Variants in SMG9 observed in about 807,000 individuals in gnomAD.
SMG9 encodes nonsense-mediated mRNA decay factor SMG9.
SMG9 carries 55 observed loss-of-function variants against 64.0 expected under a neutral mutation model. That is an observed-to-expected ratio of 0.86 (90% confidence interval 0.69 to 1.08). The LOEUF (loss-of-function observed/expected upper bound fraction) is 1.08. SMG9 is among the 50% of genes least tolerant of loss of function. SMG9 has a pLI of 0.00. For missense variants in SMG9, 554 were observed against 681.3 expected (o/e 0.81, Z 2.08); for synonymous variants, 244 against 254.8 (o/e 0.96, Z 0.41).
chr19:43,732,381 A>C (rs1968512156), intron 13 of SMG9: 1 of 165,290 alleles, frequency 6.0e-6, no homozygotes, highest in Admixed American at 5.7e-5. Flanking sequence ...AGGGAGAGAA[A>C]GCCAGAGGCA....
At chr19:43,739,936 A>AC (rs895243318) in intron 7 of SMG9, 171 bp downstream of exon 7, 3 of 614,026 alleles carry the variant, frequency 4.9e-6, no homozygotes, top group African/African-American at 3.7e-5. Context: ...GGCAAAAGTG[A>AC]CAAGAGACTA....
intron 13 of SMG9, 64 bp downstream of exon 13, chr19:43,732,794 G>A (rs1008719568): frequency 1.5e-4 from 242 of 1,593,514 alleles, no homozygotes; most frequent in Middle Eastern, 5.0e-4. Flanking sequence ...TCTAAGGGAC[G>A]CCCCCTTCTC....
chr19:43,747,947 G>A (rs367609273), intron 3 of SMG9, 31 bp downstream of exon 3: 10 of 1,614,020 alleles, frequency 6.2e-6, no homozygotes, highest in Middle Eastern at 1.6e-4. Flanking sequence ...CTTCCCTAAC[G>A]GCTCCCCCTC....
In SMG9 at chr19:43,737,588, GCTC is replaced by G. The variant is rs1178005345; in HGVS notation, c.995+6_995+8del. The G allele has an allele frequency of 1.2e-6, 2 of 1,611,844 alleles. No homozygotes were observed. The highest frequency in any genetic ancestry group is 4.5e-5 in the East Asian group (2 of 44,832). On this transcript the variant is annotated splice_donor_region_variant and intron_variant, in intron 9 of 13. Transcript: ENST00000270066. ...CTCCTCCCCACCCTCCAACCCCTCAGCTCCTCACCTGTAGAGACTGAGGTCTGT... is the reference window on the plus strand; with the variant it reads ...CTCCTCCCCACCCTCCAACCCCTCAGCTCACCTGTAGAGACTGAGGTCTGT...
intron 13 of SMG9, 22 bp downstream of exon 13, chr19:43,732,836 C>A: frequency 1.9e-6 from 3 of 1,613,462 alleles, no homozygotes; most frequent in Non-Finnish European, 2.5e-6. Flanking sequence ...TCAAATTGAC[C>A]CCCTCTGCAA....
chr19:43,746,013 A>C (rs1419690607), intron 5 of SMG9, among the ~76,000 whole-genome samples: 2 of 150,942 alleles, frequency 1.3e-5, no homozygotes, highest in Non-Finnish European at 3.0e-5. Context: ...AAAAAACAAA[A>C]AAAAAAACAA....
rs1969081754 is a variant in SMG9, at chr19:43,748,055, G to A, written c.151-3C>T. On this transcript the variant is annotated splice_polypyrimidine_tract_variant and splice_region_variant and intron_variant, in intron 2 of 13. Transcript: ENST00000270066. ...GTGCTTGTCTCTTCGCTGGCATCCT[G>A]TGGTGAGGGAGGGCAGTTACTCATG... The A allele has an allele frequency of 6.2e-7, 1 of 1,605,750 alleles. No individual in the cohort carries two copies. Among genetic ancestry groups the A allele is most frequent in the African/African-American group, 1.3e-5 (1 of 74,790 alleles).
chr19:43,743,037 C>T (rs1190201271), intron 6 of SMG9, among the ~76,000 whole-genome samples: 4 of 151,352 alleles, frequency 2.6e-5, no homozygotes, highest in African/African-American at 7.3e-5. Flanking sequence ...ATTGTGCCAC[C>T]GCCCTCCAGC....
chr19:43,742,084 G>A (rs922287350), intron 6 of SMG9, among the ~76,000 whole-genome samples: 2 of 152,180 alleles, frequency 1.3e-5, no homozygotes. Flanking sequence ...GGAGATAGAG[G>A]TTGCAGTAAG....
chr19:43,750,792 T>G, intron 1 of SMG9, 45 bp from the exon 2 acceptor site: 2 of 1,554,668 alleles, frequency 1.3e-6, no homozygotes, highest in Non-Finnish European at 1.7e-6. Flanking sequence ...AGTCTCTTCC[T>G]ACTCTACTTG....
At chr19:43,735,000 T>G (rs565066038) in intron 9 of SMG9, among the ~76,000 whole-genome samples, 1 of 152,310 alleles carries the variant, frequency 6.6e-6, no homozygotes, top group East Asian at 1.9e-4. Flanking sequence ...CACAGAGTAG[T>G]TTCACTGCCC....
At chr19:43,744,164 T>C (rs987019818) in intron 6 of SMG9, among the ~76,000 whole-genome samples, 3 of 152,186 alleles carry the variant, frequency 2.0e-5, no homozygotes, top group Non-Finnish European at 2.9e-5. Context: ...AAGAATGTTG[T>C]TCAGGCCAGA....
chr19:43,743,520 C>T (rs1006914482), intron 6 of SMG9, among the ~76,000 whole-genome samples: 3 of 152,100 alleles, frequency 2.0e-5, no homozygotes, highest in African/African-American at 4.8e-5. Flanking sequence ...ATACGGCCAA[C>T]GGTGGTGGCT....
chr19:43,739,074 C>T (rs529274060), intron 7 of SMG9, among the ~76,000 whole-genome samples: 4 of 152,310 alleles, frequency 2.6e-5, no homozygotes, highest in African/African-American at 9.6e-5. Context: ...GAGCTTCGGG[C>T]AGGCAGGGAG....
chr19:43,746,606 G>A (rs1006295211), intron 5 of SMG9, among the ~76,000 whole-genome samples: 1 of 152,142 alleles, frequency 6.6e-6, no homozygotes, highest in Non-Finnish European at 1.5e-5. Context: ...GGTAGGAGAG[G>A]TGACACCTCT....
chr19:43,751,155 CAG>C (rs954090776), intron 1 of SMG9, among the ~76,000 whole-genome samples: 16 of 151,718 alleles, frequency 1.1e-4, no homozygotes, highest in African/African-American at 2.9e-4. Flanking sequence ...TTTTTTGAGA[CAG>C]AGTTTCGCTC....
At chr19:43,754,398 A>C (rs929347228) in intron 1 of SMG9, 1 of 152,342 alleles carries the variant, frequency 6.6e-6, no homozygotes. Flanking sequence ...CGGCCTCCCC[A>C]GTACTTGACG....
Position 43,731,247 on chromosome 19 carries a change from G to A in SMG9, c.*349C>T. On this transcript the variant is annotated 3_prime_UTR_variant, in exon 14 of 14. Coordinates refer to ENST00000270066, the MANE Select transcript of SMG9 (RefSeq NM_019108.4). ...CTTACAGGGAAGGGCTTAGAGTCAG[G>A]GAAGAGGGGCCTGTTGCTCCTGTCC... is the stretch of plus-strand genomic sequence containing the variant. The A allele has an allele frequency of 3.6e-6, 4 of 1,096,394 alleles. No homozygotes were observed. The highest frequency in any genetic ancestry group is 3.3e-6 in the Non-Finnish European group (3 of 897,956). 67.9% of individuals were successfully genotyped at this position (1,096,394 alleles called of 1,614,324 possible).
At position 43,738,139 on chromosome 19, in the gene SMG9, T is replaced by C. The variant is rs1390609685; in HGVS notation, c.892A>G (p.Thr298Ala). The part of the protein sequence containing the change: ...KLPPEYNLPH[T>A]YVEMQSLQIA... ...TCCCTCACCTGCATTTCAACGTAAGTGTGGGGAAGGTTGTACTCTGGAGGC... is the reference window on the plus strand; with the variant it reads ...TCCCTCACCTGCATTTCAACGTAAGCGTGGGGAAGGTTGTACTCTGGAGGC... The change falls in exon 8 of 14, where the codon ACT becomes GCT. Residue 298 changes from threonine to alanine, a missense_variant. Transcript: ENST00000270066. The C allele has an allele frequency of 6.2e-7, 1 of 1,613,940 alleles. No individual in the cohort carries two copies. Among genetic ancestry groups the C allele is most frequent in the Middle Eastern group, 1.6e-4 (1 of 6,062 alleles).
Sources: gnomAD v4.1 joint callset for allele counts (sites outside exome capture counted in the v4.1 genomes callset) on GRCh38, gnomAD v4.1.1 for gene constraint, MANE v1.5 for transcripts, NCBI Gene and HGNC (gene_info 2026-07-23, HGNC 2026-07-21) for gene names.